BMPR1B: variants seen among roughly 807,000 people sequenced by gnomAD.
BMPR1B encodes bone morphogenetic protein receptor type 1B.
In BMPR1B, 12 loss-of-function variants were observed where a neutral mutation model predicts 59.1. That is an observed-to-expected ratio of 0.20 (90% CI 0.13 to 0.33). The LOEUF is 0.33. BMPR1B is among the 10% of genes least tolerant of loss of function. The pLI, the probability that BMPR1B is intolerant of heterozygous loss-of-function variation, is 1.00. For synonymous variants in BMPR1B, 237 were observed against 207.3 expected (o/e 1.14, Z -1.23); for missense variants, 550 against 610.9 (o/e 0.90, Z 1.05).
intron 3 of BMPR1B, among the ~76,000 whole-genome samples, chr4:95,037,490 C>A (rs1225206781): frequency 1.3e-5 from 2 of 152,022 alleles, no homozygotes; most frequent in African/African-American, 4.8e-5. Flanking sequence ...ATAGATAGTC[C>A]CTCATCATGA....
chr4:94,854,509 A>G (rs1034352497), intron 1 of BMPR1B, among the ~76,000 whole-genome samples: 11 of 152,186 alleles, frequency 7.2e-5, no homozygotes, highest in Admixed American at 3.3e-4. Flanking sequence ...GAACAACACA[A>G]ATCTCTTGAT....
intron 1 of BMPR1B, among the ~76,000 whole-genome samples, chr4:94,841,425 G>C (rs796433452): frequency 0.11 from 17,038 of 149,880 alleles, 1,034 homozygotes; most frequent in Non-Finnish European, 0.13. Flanking sequence ...CTCCATGGGC[G>C]TAGGACCCTC....
intron 3 of BMPR1B, among the ~76,000 whole-genome samples, chr4:95,066,584 C>CA (rs1727821542): frequency 6.6e-6 from 1 of 152,104 alleles, no homozygotes; most frequent in East Asian, 1.9e-4. Context: ...TAAGCAAAGT[C>CA]AAAGTGAGAA....
chr4:95,051,584 GCA>G (rs1165421045), intron 3 of BMPR1B: 6 of 928,694 alleles, frequency 6.5e-6, no homozygotes, highest in Non-Finnish European at 9.8e-6. Context: ...AGGGTTGCTG[GCA>G]GGCTTGCGAG....
At chr4:95,090,271 A>G (rs1176948144) in intron 3 of BMPR1B, among the ~76,000 whole-genome samples, 1 of 151,776 alleles carries the variant, frequency 6.6e-6, no homozygotes, top group Non-Finnish European at 1.5e-5. Context: ...GTTCTTTAAT[A>G]TATATATTTA....
intron 3 of BMPR1B, among the ~76,000 whole-genome samples, chr4:95,098,262 C>T (rs929705273): frequency 9.2e-5 from 14 of 152,078 alleles, no homozygotes; most frequent in African/African-American, 3.4e-4. Context: ...ATCATAATTA[C>T]CAGGCAAATT....
chr4:95,150,612 A>G (rs756973804), intron 11 of BMPR1B, among the ~76,000 whole-genome samples: 2 of 152,220 alleles, frequency 1.3e-5, no homozygotes, highest in Admixed American at 6.5e-5. Flanking sequence ...CAGGAAGCCT[A>G]TATTTGAAAG....
chr4:95,154,732 G>A lies in BMPR1B; in HGVS notation c.*59G>A, dbSNP rs1735290742. 3 of 1,604,114 alleles carry A rather than the reference G, an allele frequency of 1.9e-6. No individual in the cohort carries two copies. The highest frequency in any genetic ancestry group is 2.2e-5 in the South Asian group (2 of 90,710). ...CCAACAGGTACTCTTCTGTTTGTGG[G>A]CAGAGCAAAAGACATCAAATAAGCA... On this transcript the variant is annotated 3_prime_UTR_variant, in exon 13 of 13. Coordinates refer to ENST00000515059, the MANE Select transcript of BMPR1B (RefSeq NM_001203.3).
At chr4:95,066,612 G>A (rs1043640345) in intron 3 of BMPR1B, among the ~76,000 whole-genome samples, 2 of 152,178 alleles carry the variant, frequency 1.3e-5, no homozygotes, top group Non-Finnish European at 2.9e-5. Flanking sequence ...AGTGCCAGAA[G>A]CTTGTGTGAG....
At chr4:95,132,526 CAAAGCAAGAGG>C (rs1733435516) in intron 10 of BMPR1B, among the ~76,000 whole-genome samples, 1 of 152,024 alleles carries the variant, frequency 6.6e-6, no homozygotes, top group South Asian at 2.1e-4. Flanking sequence ...TCTTTAAAAA[CAAAGCAAGAGG>C]AAATGATTTG....
intron 3 of BMPR1B, among the ~76,000 whole-genome samples, chr4:95,060,409 T>C (rs1389409918): frequency 2.6e-5 from 4 of 152,232 alleles, no homozygotes; most frequent in African/African-American, 9.6e-5. Context: ...TTATAAAATA[T>C]TTTATCAGCA....
chr4:94,759,879 A>G (rs1212726934), intron 1 of BMPR1B, among the ~76,000 whole-genome samples: 2 of 152,338 alleles, frequency 1.3e-5, no homozygotes, highest in Non-Finnish European at 2.9e-5. Flanking sequence ...TATGGGAAAC[A>G]TAGCTGGGAA....
chr4:95,034,412 G>C (rs1266544139), intron 3 of BMPR1B, among the ~76,000 whole-genome samples: 1 of 151,940 alleles, frequency 6.6e-6, no homozygotes, highest in African/African-American at 2.4e-5. Flanking sequence ...CCGGTGTGTA[G>C]TCTTTTATCC....
chr4:95,148,902 G>A lies in BMPR1B; in HGVS notation c.1231G>A (p.Ala411Thr), dbSNP rs969503674. The change falls in exon 11 of 13, where the codon GCT becomes ACT. Residue 411 changes from alanine (A) to threonine (T), a missense_variant. Physicochemically the swap from Ala to Thr is moderately conservative, Grantham distance 58. Transcript: ENST00000515059. ...TTTTGGCCTCATCCTTTGGGAGGTT[G>A]CTAGGAGATGTGTATCAGGAGGTAA... ...YSFGLILWEVARRCVSGGIVE... is the reference protein window; with the variant it reads ...YSFGLILWEVTRRCVSGGIVE... 1 of 1,614,000 alleles carries A rather than the reference G, an allele frequency of 6.2e-7. No individual in the cohort carries two copies. Among genetic ancestry groups the A allele is most frequent in the Non-Finnish European group, 8.5e-7 (1 of 1,179,910 alleles).
intron 3 of BMPR1B, among the ~76,000 whole-genome samples, chr4:95,049,107 A>T (rs973376730): frequency 6.6e-6 from 1 of 152,078 alleles, no homozygotes; most frequent in African/African-American, 2.4e-5. Flanking sequence ...TTCATCCTAC[A>T]TGCTGAAGTC....
chr4:95,080,460 T>G (rs112107906), intron 3 of BMPR1B, among the ~76,000 whole-genome samples: 5 of 152,290 alleles, frequency 3.3e-5, no homozygotes, highest in African/African-American at 1.2e-4. Context: ...GGTCTCAAAC[T>G]CCTGACCTTA....
At position 94,825,096 on chromosome 4, in the gene BMPR1B, A is replaced by G. The variant is rs116591239; in HGVS notation, c.-182-50735A>G. 6.7e-3 allele frequency among the ~76,000 whole-genome samples: 1,013 copies of G among 152,324 alleles called. 10 individuals carry two copies. Among genetic ancestry groups the G allele is most frequent in the African/African-American group, 0.023 (945 of 41,568 alleles). ...TACAGACTAGAAGCTCAATAATGTCATTCCAGACTCATGTTAAGTGTTCTT... is the reference window on the plus strand; with the variant it reads ...TACAGACTAGAAGCTCAATAATGTCGTTCCAGACTCATGTTAAGTGTTCTT... On this transcript the variant is annotated intron_variant, in intron 1 of 12. Transcript: ENST00000515059.
At chr4:94,960,728 T>C (rs1413333260) in intron 2 of BMPR1B, among the ~76,000 whole-genome samples, 1 of 151,952 alleles carries the variant, frequency 6.6e-6, no homozygotes, top group Admixed American at 6.6e-5. Flanking sequence ...AATATATATA[T>C]ATATATTTTA....
chr4:94,842,046 T>G (rs555763024), intron 1 of BMPR1B, among the ~76,000 whole-genome samples: 1 of 152,248 alleles, frequency 6.6e-6, no homozygotes, highest in South Asian at 2.1e-4. Context: ...ACTCAGGAGT[T>G]CCGTTACAGT....
Sources: gnomAD v4.1 joint callset for allele counts (sites outside exome capture counted in the v4.1 genomes callset) on GRCh38, gnomAD v4.1.1 for gene constraint, MANE v1.5 for transcripts, NCBI Gene and HGNC (gene_info 2026-07-23, HGNC 2026-07-21) for gene names.